The following SERHL2 variants were observed in gnomAD, a reference collection of about 807,000 sequenced individuals.
SERHL2 encodes serine hydrolase-like protein 2.
A neutral mutation model predicts 25.5 loss-of-function variants in SERHL2; 29 were observed. The observed-to-expected ratio is 1.14, with a 90% CI of 0.85 to 1.55. SERHL2 has a LOEUF of 1.55. Ranked by LOEUF, SERHL2 falls within the 40% of genes most tolerant of loss-of-function variation. SERHL2 has a pLI of 0.00. For synonymous variants in SERHL2, 95 were observed against 103.5 expected (o/e 0.92, Z 0.50); for missense variants, 240 against 252.3 (o/e 0.95, Z 0.33).
rs1355243663 is a variant in SERHL2, at chr22:42,566,473, G to A, written c.648+135G>A. 38 of 790,086 alleles carry A rather than the reference G, an allele frequency of 4.8e-5. 1 individual carries two copies. The highest frequency in any genetic ancestry group is 2.3e-4 in the South Asian group (15 of 66,596). 48.9% of individuals were successfully genotyped at this position (790,086 alleles called of 1,614,324 possible). ...CTCAGGAGGCTGAGGCAGGACAATC[G>A]CTTGAATGGGAGGCAGAGGTTGCAT... On this transcript the variant is annotated intron_variant, in intron 9 of 11. Coordinates refer to ENST00000327678, the MANE Select transcript of SERHL2 (RefSeq NM_014509.5).
At position 42,566,225 on chromosome 22, in the gene SERHL2, G is replaced by A. The variant is rs1601846525; in HGVS notation, c.614-79G>A. 8 of 1,436,840 alleles carry A rather than the reference G, an allele frequency of 5.6e-6. No individual in the cohort carries two copies. The East Asian group carries it at 6.9e-5, about 12-fold the overall frequency. 89.0% of individuals were successfully genotyped at this position (1,436,840 alleles called of 1,614,324 possible). Reference sequence around the variant, plus strand: ...GGGCCCTGGCTGCAAAGGCCTGGAGGGTTCCAGCAAAGTCACGGAGCGTCC... The same window carrying A: ...GGGCCCTGGCTGCAAAGGCCTGGAGAGTTCCAGCAAAGTCACGGAGCGTCC... On this transcript the variant is annotated intron_variant, in intron 8 of 11. Coordinates refer to ENST00000327678, the MANE Select transcript of SERHL2 (RefSeq NM_014509.5).
chr22:42,565,543 C>T (rs1032625778), intron 8 of SERHL2, among the ~76,000 whole-genome samples: 1 of 151,922 alleles, frequency 6.6e-6, no homozygotes, highest in Non-Finnish European at 1.5e-5. Flanking sequence ...CCAGGCTGGT[C>T]TTGAACTCCT....
intron 11 of SERHL2, 38 bp from the exon 12 acceptor site, chr22:42,573,898 C>T (rs1285074148): frequency 1.3e-6 from 2 of 1,591,958 alleles, no homozygotes; most frequent in Non-Finnish European, 1.7e-6. Flanking sequence ...CTAGGCTCCT[C>T]TGGCCACACC....
At chr22:42,554,156 C>T (rs1921941603) in intron 1 of SERHL2, 114 bp downstream of exon 1, 3 of 1,292,686 alleles carry the variant, frequency 2.3e-6, no homozygotes, top group Non-Finnish European at 3.3e-6. Context: ...TCCTGGGTGT[C>T]GCAGCTCCTT....
At chr22:42,566,442 CAGCT>C in intron 9 of SERHL2, 104 bp downstream of exon 9, 1 of 1,133,450 alleles carries the variant, frequency 8.8e-7, no homozygotes, top group East Asian at 2.4e-5. Context: ...CCTGTAATCC[CAGCT>C]ACTCAGGAGG....
intron 8 of SERHL2, among the ~76,000 whole-genome samples, chr22:42,561,887 A>T (rs183731789): frequency 6.6e-6 from 1 of 151,884 alleles, no homozygotes; most frequent in Admixed American, 6.5e-5. Flanking sequence ...GACATGCCTC[A>T]CGGATGGCTG....
In SERHL2 at chr22:42,572,338, G is replaced by T. The variant is rs1031187889; in HGVS notation, c.732-98G>T. On this transcript the variant is annotated intron_variant, in intron 10 of 11. Coordinates refer to ENST00000327678, the MANE Select transcript of SERHL2 (RefSeq NM_014509.5). ...GGGAGTTGGGGTAGCCCAGGCTTTG[G>T]TTTCTCCTCAGAGGCCTGAACCCAG... 46 of 838,378 alleles carry T rather than the reference G, an allele frequency of 5.5e-5. No individual in the cohort carries two copies. The African/African-American group carries it at 7.0e-4, about 13-fold the overall frequency. 51.9% of individuals were successfully genotyped at this position (838,378 alleles called of 1,614,324 possible).
At chr22:42,561,826 G>GA (rs1454551383) in intron 8 of SERHL2, among the ~76,000 whole-genome samples, 2 of 151,808 alleles carry the variant, frequency 1.3e-5, no homozygotes, top group Admixed American at 6.6e-5. Context: ...TGCCTCCCTG[G>GA]AAACCCATCA....
chr22:42,554,389 C>G (rs1921978633), intron 1 of SERHL2, among the ~76,000 whole-genome samples: 1 of 152,182 alleles, frequency 6.6e-6, no homozygotes, highest in Admixed American at 6.5e-5. Context: ...TAAATTTCCA[C>G]TCCGCCCTTG....
chr22:42,554,410 T>C (rs1249452124), intron 1 of SERHL2, among the ~76,000 whole-genome samples: 1 of 152,166 alleles, frequency 6.6e-6, no homozygotes, highest in Non-Finnish European at 1.5e-5. Flanking sequence ...TCGCCCAGTG[T>C]GACCTTGGGC....
At chr22:42,564,277 T>G (rs1043305917) in intron 8 of SERHL2, among the ~76,000 whole-genome samples, 6 of 151,654 alleles carry the variant, frequency 4.0e-5, no homozygotes, top group African/African-American at 2.4e-5. Flanking sequence ...AGGTGCCTAA[T>G]GCCATTTTTA....
intron 9 of SERHL2, among the ~76,000 whole-genome samples, chr22:42,567,730 A>T (rs1232653536): frequency 2.7e-5 from 4 of 150,936 alleles, no homozygotes; most frequent in Admixed American, 1.3e-4. Flanking sequence ...TTTTATTATT[A>T]TTATTATTAT....
At position 42,560,566 on chromosome 22, in the gene SERHL2, TG is replaced by T. The variant is rs367942039; in HGVS notation, c.613+305del. Among the ~76,000 whole-genome samples, 84 of 152,038 alleles carry T rather than the reference TG, an allele frequency of 5.5e-4. 1 individual carries two copies. The highest frequency in any genetic ancestry group is 2.0e-3 in the African/African-American group (83 of 41,546). ...TGTCACGGCCATGCTCTGCTGGATC[TG>T]GGGTGGGTGCCCAGCGCCAGAGGCA... On this transcript the variant is annotated intron_variant, in intron 8 of 11. Coordinates refer to ENST00000327678, the MANE Select transcript of SERHL2 (RefSeq NM_014509.5).
At position 42,573,944 on chromosome 22, in the gene SERHL2, G is replaced by A. The variant is rs779767047; in HGVS notation, c.834G>A (p.Gln278=). The A allele has an allele frequency of 2.9e-6, 4 of 1,397,142 alleles. No individual in the cohort carries two copies. The highest frequency in any genetic ancestry group is 4.0e-6 in the Non-Finnish European group (4 of 1,007,926). 86.5% of individuals were successfully genotyped at this position (1,397,142 alleles called of 1,614,324 possible). The change falls in exon 12 of 12, where the codon CAG becomes CAA. Residue 278 remains glutamine, a synonymous_variant. Transcript: ENST00000327678. ...TMKSTLKEQF[Q]FVEVPGNHCV... ...CCCCCTCCCCTCTCCAGCAGTTCCA[G>A]TTTGTGGAAGTCCCAGGCAATCACT... is the stretch of plus-strand genomic sequence containing the variant.
At chr22:42,561,313 C>G (rs188340427) in intron 8 of SERHL2, among the ~76,000 whole-genome samples, 50 of 151,986 alleles carry the variant, frequency 3.3e-4, no homozygotes, top group African/African-American at 1.1e-3. Flanking sequence ...CCTGACACTG[C>G]CAGCTCAGTG....
Position 42,574,068 on chromosome 22 carries a change from A to C in SERHL2, c.*13A>C. ...AGCCCAGCTGTAGCTCTGGGCCTGG[A>C]ACTATGAAGACCTAGTGCTCCCAGA... is the stretch of plus-strand genomic sequence containing the variant. On this transcript the variant is annotated 3_prime_UTR_variant, in exon 12 of 12. Coordinates refer to ENST00000327678, the MANE Select transcript of SERHL2 (RefSeq NM_014509.5). The C allele has an allele frequency of 6.2e-7, 1 of 1,611,472 alleles. No individual in the cohort carries two copies. Among genetic ancestry groups the C allele is most frequent in the Non-Finnish European group, 8.5e-7 (1 of 1,178,032 alleles).
At chr22:42,561,123 G>C (rs1922628993) in intron 8 of SERHL2, among the ~76,000 whole-genome samples, 2 of 151,936 alleles carry the variant, frequency 1.3e-5, no homozygotes, top group Non-Finnish European at 2.9e-5. Flanking sequence ...AGGCACATGA[G>C]TGGTTAGACA....
chr22:42,556,432 G>C, intron 5 of SERHL2, 82 bp from the exon 6 acceptor site: 1 of 1,561,452 alleles, frequency 6.4e-7, no homozygotes, highest in Non-Finnish European at 8.7e-7. Context: ...ATGTTTCGGG[G>C]AACTCCAGGG....
intron 11 of SERHL2, 33 bp from the exon 12 acceptor site, chr22:42,573,903 C>T (rs758658072): frequency 1.9e-6 from 3 of 1,594,276 alleles, no homozygotes; most frequent in African/African-American, 2.7e-5. Flanking sequence ...CTCCTCTGGC[C>T]ACACCTCACC....
Sources: gnomAD v4.1 joint callset for allele counts (sites outside exome capture counted in the v4.1 genomes callset) on GRCh38, gnomAD v4.1.1 for gene constraint, MANE v1.5 for transcripts, NCBI Gene and HGNC (gene_info 2026-07-23, HGNC 2026-07-21) for gene names.